Variants in FOXP1 observed in about 807,000 individuals in gnomAD.
The protein encoded by FOXP1 is forkhead box protein P1.
A neutral mutation model predicts 98.2 loss-of-function variants in FOXP1; 15 were observed. The ratio of observed to expected loss-of-function variants is 0.15; its 90% confidence interval spans 0.10 to 0.24. The LOEUF is 0.24. FOXP1 is among the 10% of genes least tolerant of loss of function. FOXP1 has a pLI of 1.00. For missense variants in FOXP1, 633 were observed against 848.5 expected (o/e 0.75, Z 3.15); for synonymous variants, 371 against 314.5 (o/e 1.18, Z -1.90).
rs555914452 is a variant in FOXP1 at position 71,006,568 on chromosome 3, A to C, written c.975-5509T>G. ...GACTTTTGTGACACTATTGCTAATAATAAATTTTACCATTTAGACATGGCC... is the reference window on the plus strand; with the variant it reads ...GACTTTTGTGACACTATTGCTAATACTAAATTTTACCATTTAGACATGGCC... On this transcript the variant is annotated intron_variant, in intron 12 of 20. Coordinates refer to ENST00000649528, the MANE Select transcript of FOXP1 (RefSeq NM_001349338.3). 2.0e-5 allele frequency among the ~76,000 whole-genome samples: 3 copies of C among 152,304 alleles called. No homozygotes were observed. In the South Asian group the frequency reaches 6.2e-4, roughly 32 times the overall value.
At chr3:71,112,452 A>T in intron 7 of FOXP1, 84 bp downstream of exon 7, 1 of 1,082,878 alleles carries the variant, frequency 9.2e-7, no homozygotes, top group Non-Finnish European at 1.4e-6. Flanking sequence ...ATGATTTGCA[A>T]TGCTCAACAC....
intron 6 of FOXP1, among the ~76,000 whole-genome samples, chr3:71,173,613 AG>A (rs1201078367): frequency 6.6e-6 from 1 of 152,158 alleles, no homozygotes; most frequent in East Asian, 1.9e-4. Context: ...CTTTAAAGTG[AG>A]GGTGGGGGTG....
chr3:71,045,025 G>T (rs1310698912), intron 10 of FOXP1, among the ~76,000 whole-genome samples: 1 of 152,226 alleles, frequency 6.6e-6, no homozygotes, highest in East Asian at 1.9e-4. Context: ...GTGAGGGAGT[G>T]GGGGGACAAA....
At position 71,228,168 on chromosome 3, in the gene FOXP1, C is replaced by T. The variant is rs575703070; in HGVS notation, c.-11-29776G>A. Among the ~76,000 whole-genome samples the T allele has an allele frequency of 8.9e-4, 135 of 152,142 alleles. 1 individual carries two copies. The Middle Eastern group carries it at 0.01, about 11-fold the overall frequency. ...ACTGAGGTTTGAATCCAACACATCA[C>T]GGAAAGAGAGGATATTTAGGGAGTT... On this transcript the variant is annotated intron_variant, in intron 5 of 20. Transcript: ENST00000649528.
chr3:71,336,846 G>C (rs1577033183), intron 4 of FOXP1, among the ~76,000 whole-genome samples: 1 of 152,278 alleles, frequency 6.6e-6, no homozygotes, highest in East Asian at 1.9e-4. Flanking sequence ...TGAGCCTCTG[G>C]ATCCAGCTTG....
rs139241855 is a variant in FOXP1 at position 71,499,957 on chromosome 3, C to T, written c.-297-6402G>A. 3.2e-3 allele frequency among the ~76,000 whole-genome samples: 487 copies of T among 152,250 alleles called. 2 individuals carry two copies. The highest frequency in any genetic ancestry group is 0.011 in the African/African-American group (466 of 41,550). ...AAAATAATAATAATAATAACTCAAA[C>T]GTGCCCTAAATAAGCATCTGTCTTT... On this transcript the variant is annotated intron_variant, in intron 2 of 20. Coordinates refer to ENST00000649528, the MANE Select transcript of FOXP1 (RefSeq NM_001349338.3).
rs139653018 is a variant in FOXP1 at position 71,166,623 on chromosome 3, A to T, written c.180+31579T>A. Among the ~76,000 whole-genome samples the T allele has an allele frequency of 4.3e-4, 65 of 152,242 alleles. No homozygotes were observed. The East Asian group carries it at 5.4e-3, about 13-fold the overall frequency. Reference sequence around the variant, plus strand: ...CCTCTTCTCCAGCTCTGTTTCCCTAATCTGCATTCTAAATCTCTTCTGTAA... The same window carrying T: ...CCTCTTCTCCAGCTCTGTTTCCCTATTCTGCATTCTAAATCTCTTCTGTAA... On this transcript the variant is annotated intron_variant, in intron 6 of 20. Transcript: ENST00000649528.
Position 71,014,421 on chromosome 3 carries a change from G to A in FOXP1, c.974+1128C>T, listed in dbSNP as rs151051249. 8.5e-3 allele frequency among the ~76,000 whole-genome samples: 1,288 copies of A among 152,230 alleles called. 27 individuals are homozygous for A. Among genetic ancestry groups the A allele is most frequent in the African/African-American group, 0.029 (1,200 of 41,526 alleles). ...CATCATCACTGGCCATCAGAGAAAC[G>A]CAAATCAAAACCGCAATGAGATACC... On this transcript the variant is annotated intron_variant, in intron 12 of 20. Coordinates refer to ENST00000649528, the MANE Select transcript of FOXP1 (RefSeq NM_001349338.3).
intron 3 of FOXP1, among the ~76,000 whole-genome samples, chr3:71,372,195 T>A (rs564936632): frequency 9.9e-4 from 149 of 150,458 alleles, no homozygotes; most frequent in Non-Finnish European, 1.9e-3. Context: ...TTTTTTTTTG[T>A]ACTTTTAGTA....
chr3:71,198,432 G>GCCCCGCCCCCCCCCCCCCC, intron 5 of FOXP1, 40 bp from the exon 6 acceptor site: 1 of 491,034 alleles, frequency 2.0e-6, no homozygotes. Context: ...GGGAGGGGGG[G>GCCCCGCCCCCCCCCCCCCC]AGAAAAAAAA....
intron 7 of FOXP1, among the ~76,000 whole-genome samples, chr3:71,104,966 T>C (rs962489667): frequency 2.6e-5 from 4 of 152,166 alleles, no homozygotes; most frequent in African/African-American, 9.6e-5. Context: ...TGTAATCATA[T>C]ATGTGAGGCC....
At chr3:71,433,485 T>A (rs1439377758) in intron 3 of FOXP1, among the ~76,000 whole-genome samples, 1 of 152,136 alleles carries the variant, frequency 6.6e-6, no homozygotes, top group Non-Finnish European at 1.5e-5. Context: ...AGGCTTCCAA[T>A]ACATTCAGTA....
chr3:71,105,154 T>A (rs939167609), intron 7 of FOXP1, among the ~76,000 whole-genome samples: 2 of 152,210 alleles, frequency 1.3e-5, no homozygotes, highest in African/African-American at 4.8e-5. Flanking sequence ...GCCTAGCAAC[T>A]GTACATGCCC....
At chr3:71,363,687 C>A (rs1288687) in intron 3 of FOXP1, among the ~76,000 whole-genome samples, 27,611 of 152,072 alleles carry the variant, frequency 0.18, 2,988 homozygotes, top group Non-Finnish European at 0.24. Context: ...CAAGAAAATG[C>A]GGTCAGTCTG....
chr3:71,364,509 G>C (rs1577144187), intron 3 of FOXP1, among the ~76,000 whole-genome samples: 1 of 152,148 alleles, frequency 6.6e-6, no homozygotes, highest in African/African-American at 2.4e-5. Flanking sequence ...CAGTTTCCTA[G>C]TTGAATGCCT....
intron 3 of FOXP1, among the ~76,000 whole-genome samples, chr3:71,377,016 G>A (rs1165183576): frequency 6.6e-6 from 1 of 151,888 alleles, no homozygotes; most frequent in Non-Finnish European, 1.5e-5. Flanking sequence ...AATAAAAACT[G>A]GAGAAAAAAA....
At chr3:71,154,566 C>T (rs996401300) in intron 6 of FOXP1, among the ~76,000 whole-genome samples, 3 of 152,298 alleles carry the variant, frequency 2.0e-5, no homozygotes, top group Admixed American at 6.5e-5. Flanking sequence ...TCTTTGGTTC[C>T]GTCTTCTCCT....
intron 6 of FOXP1, among the ~76,000 whole-genome samples, chr3:71,163,614 T>C (rs1374749098): frequency 1.3e-5 from 2 of 152,168 alleles, no homozygotes; most frequent in African/African-American, 2.4e-5. Flanking sequence ...GAGGTGACCA[T>C]GTTGAAACTT....
chr3:71,224,835 T>C (rs965639928), intron 5 of FOXP1, among the ~76,000 whole-genome samples: 11 of 152,172 alleles, frequency 7.2e-5, no homozygotes, highest in Non-Finnish European at 1.5e-4. Context: ...AAGGTTATAT[T>C]TGACATTATT....
Sources: gnomAD v4.1 joint callset for allele counts (sites outside exome capture counted in the v4.1 genomes callset) on GRCh38, gnomAD v4.1.1 for gene constraint, MANE v1.5 for transcripts, NCBI Gene and HGNC (gene_info 2026-07-23, HGNC 2026-07-21) for gene names.